The following FARS2 variants were observed in gnomAD, a reference collection of about 807,000 sequenced individuals.
FARS2 encodes the protein phenylalanine--tRNA ligase, mitochondrial.
Under a neutral mutation model 46.4 loss-of-function variants are expected in FARS2, and 40 were observed. The observed-to-expected ratio is 0.86, with a 90% CI of 0.67 to 1.12. The LOEUF (loss-of-function observed/expected upper bound fraction) is 1.12. Ranked by LOEUF, FARS2 falls within the 50% of genes most tolerant of loss-of-function variation. The probability of loss-of-function intolerance (pLI) is 0.00; values close to 1 mark genes in which losing one functional copy is unlikely to be tolerated. For synonymous variants in FARS2, 234 were observed against 214.9 expected (o/e 1.09, Z -0.78); for missense variants, 513 against 567.9 (o/e 0.90, Z 0.98).
At chr6:5,508,276 A>G (rs1415788683) in intron 4 of FARS2, among the ~76,000 whole-genome samples, 1 of 152,246 alleles carries the variant, frequency 6.6e-6, no homozygotes, top group East Asian at 1.9e-4. Context: ...GACCTAGTAT[A>G]GTTTTGGATG....
In FARS2 at chr6:5,387,545, G is replaced by A. The variant is rs185704849; in HGVS notation, c.613-16997G>A. ...TTTTAACAAGTGAGATACATGATTA[G>A]CATAGTCTCTGAAGTTAATTGGAGA... On this transcript the variant is annotated intron_variant, in intron 2 of 6. Transcript: ENST00000274680. 3.2e-3 allele frequency among the ~76,000 whole-genome samples: 483 copies of A among 152,336 alleles called. 2 individuals are homozygous for A. The highest frequency in any genetic ancestry group is 4.9e-3 in the Non-Finnish European group (336 of 68,020).
At chr6:5,354,803 G>A (rs572191723) in intron 1 of FARS2, among the ~76,000 whole-genome samples, 14 of 152,096 alleles carry the variant, frequency 9.2e-5, no homozygotes, top group African/African-American at 2.2e-4. Context: ...GTGAGCCACC[G>A]CGCCCGGCCT....
At chr6:5,708,309 T>C (rs1758893101) in intron 6 of FARS2, among the ~76,000 whole-genome samples, 1 of 152,194 alleles carries the variant, frequency 6.6e-6, no homozygotes, top group Non-Finnish European at 1.5e-5. Flanking sequence ...TTTTCTTTTT[T>C]CTTTGTTTTA....
intron 4 of FARS2, among the ~76,000 whole-genome samples, chr6:5,494,424 G>A (rs901799813): frequency 4.6e-5 from 7 of 152,148 alleles, no homozygotes; most frequent in African/African-American, 1.4e-4. Context: ...ACACTGCCTC[G>A]CTTCTCAGCG....
intron 6 of FARS2, among the ~76,000 whole-genome samples, chr6:5,652,549 C>T (rs1018062972): frequency 2.0e-5 from 3 of 152,256 alleles, no homozygotes; most frequent in South Asian, 2.1e-4. Flanking sequence ...AGGCCCAGTG[C>T]GGCGCAGCCG....
chr6:5,316,711 C>T (rs1204523825), intron 1 of FARS2, among the ~76,000 whole-genome samples: 1 of 152,222 alleles, frequency 6.6e-6, no homozygotes, highest in Non-Finnish European at 1.5e-5. Context: ...ATGAATTTTA[C>T]TTCCAGGAGT....
intron 1 of FARS2, among the ~76,000 whole-genome samples, chr6:5,308,255 A>C (rs1376950405): frequency 6.6e-6 from 1 of 152,206 alleles, no homozygotes; most frequent in Non-Finnish European, 1.5e-5. Context: ...AAGTCACAGA[A>C]GCAGGAAGGA....
intron 5 of FARS2, among the ~76,000 whole-genome samples, chr6:5,569,382 A>G (rs1157256976): frequency 6.6e-6 from 1 of 151,892 alleles, no homozygotes; most frequent in Non-Finnish European, 1.5e-5. Flanking sequence ...GACTATAAGC[A>G]TATGCCCCCA....
At position 5,444,092 on chromosome 6, in the gene FARS2, C is replaced by CGTGTGTGTGTGTGT. The variant is rs35213574; in HGVS notation, c.904+12941_904+12954dup. Among the ~76,000 whole-genome samples the CGTGTGTGTGTGTGT allele has an allele frequency of 1.0e-3, 148 of 146,314 alleles. 2 individuals are homozygous for CGTGTGTGTGTGTGT. Among genetic ancestry groups the CGTGTGTGTGTGTGT allele is most frequent in the African/African-American group, 3.3e-3 (131 of 39,282 alleles). On this transcript the variant is annotated intron_variant, in intron 4 of 6. Coordinates refer to ENST00000274680, the MANE Select transcript of FARS2 (RefSeq NM_006567.5). ...AAGCCACTGATATATGGAAGATCCT[C>CGTGTGTGTGTGTGT]GTGTGTGTGTGTGTGTGTGTGTGTG...
Position 5,539,467 on chromosome 6 carries a change from C to T in FARS2, c.905-5713C>T, listed in dbSNP as rs899500372. Among the ~76,000 whole-genome samples the T allele has an allele frequency of 3.3e-5, 5 of 149,986 alleles. No individual in the cohort carries two copies. In the South Asian group the frequency reaches 6.3e-4, roughly 19 times the overall value. ...CAGGATGGTTTCAATCTCCTGACCT[C>T]GTGATCTGCCCGCCTTGGCCTCCCA... is the stretch of plus-strand genomic sequence containing the variant. On this transcript the variant is annotated intron_variant, in intron 4 of 6. Transcript: ENST00000274680.
At chr6:5,595,055 C>T (rs1041022982) in intron 5 of FARS2, among the ~76,000 whole-genome samples, 6 of 152,184 alleles carry the variant, frequency 3.9e-5, no homozygotes, top group Non-Finnish European at 7.3e-5. Flanking sequence ...AGTCTCCCAC[C>T]GTAGAGTGCA....
At chr6:5,566,020 C>T (rs1281127956) in intron 5 of FARS2, among the ~76,000 whole-genome samples, 1 of 152,126 alleles carries the variant, frequency 6.6e-6, no homozygotes, top group Non-Finnish European at 1.5e-5. Context: ...CTTTACAAAC[C>T]TTTCATAACC....
chr6:5,731,931 C>G (rs1403392110), intron 6 of FARS2, among the ~76,000 whole-genome samples: 1 of 152,162 alleles, frequency 6.6e-6, no homozygotes, highest in African/African-American at 2.4e-5. Context: ...GACTCTCACG[C>G]AGCCCGAGCT....
At chr6:5,337,635 T>C (rs972848549) in intron 1 of FARS2, among the ~76,000 whole-genome samples, 11 of 152,174 alleles carry the variant, frequency 7.2e-5, no homozygotes, top group African/African-American at 2.7e-4. Context: ...TTTCTCAAAA[T>C]TGTAAGTTAA....
intron 5 of FARS2, among the ~76,000 whole-genome samples, chr6:5,550,750 T>G (rs1771323987): frequency 6.6e-6 from 1 of 152,178 alleles, no homozygotes; most frequent in Non-Finnish European, 1.5e-5. Flanking sequence ...ACCTTGTGGC[T>G]CTCCCATTTA....
chr6:5,712,904 C>G (rs1336106394), intron 6 of FARS2, among the ~76,000 whole-genome samples: 1 of 152,232 alleles, frequency 6.6e-6, no homozygotes, highest in African/African-American at 2.4e-5. Context: ...GTAGACACAC[C>G]TAGCTGTATC....
At chr6:5,563,300 C>T (rs1482268150) in intron 5 of FARS2, among the ~76,000 whole-genome samples, 2 of 152,032 alleles carry the variant, frequency 1.3e-5, no homozygotes, top group African/African-American at 2.4e-5. Context: ...GTTATATACA[C>T]GTGGGAATAT....
rs147817612 is a variant in FARS2, at chr6:5,485,435, A to G, written c.904+54263A>G. On this transcript the variant is annotated intron_variant, in intron 4 of 6. Transcript: ENST00000274680. ...TAAATACTCTAATGGGAAATAGGAAACTTCTCACATGATGCAGTTCTTAAC... is the reference window on the plus strand; with the variant it reads ...TAAATACTCTAATGGGAAATAGGAAGCTTCTCACATGATGCAGTTCTTAAC... 8.7e-5 allele frequency among the ~76,000 whole-genome samples: 13 copies of G among 149,490 alleles called. No homozygotes were observed. The East Asian group carries it at 2.6e-3, about 30-fold the overall frequency.
intron 4 of FARS2, among the ~76,000 whole-genome samples, chr6:5,544,720 T>C (rs1277373637): frequency 1.3e-5 from 2 of 152,250 alleles, no homozygotes; most frequent in African/African-American, 4.8e-5. Context: ...GTATGTACTT[T>C]CTTCATGTAA....
Sources: allele counts gnomAD v4.1 joint callset (sites outside exome capture counted in the v4.1 genomes callset), GRCh38; gene constraint gnomAD v4.1.1; transcripts MANE v1.5; gene names NCBI Gene and HGNC (gene_info 2026-07-23, HGNC 2026-07-21).